C17orf75: variants seen among roughly 807,000 people sequenced by gnomAD.
The protein encoded by C17orf75 is chromosome 17 open reading frame 75.
C17orf75 carries 32 observed loss-of-function variants against 49.6 expected under a neutral mutation model. The ratio of observed to expected loss-of-function variants is 0.65; its 90% CI spans 0.49 to 0.87. The LOEUF (loss-of-function observed/expected upper bound fraction) is 0.87. Ranked by LOEUF, C17orf75 falls within the 40% of genes least tolerant of loss-of-function variation. The pLI is 0.00. For synonymous variants in C17orf75, 158 were observed against 159.5 expected (o/e 0.99, Z 0.07); for missense variants, 428 against 473.9 (o/e 0.90, Z 0.90).
upstream of C17orf75, chr17:32,343,848 T>A: frequency 1.5e-6 from 1 of 676,806 alleles, no homozygotes; most frequent in South Asian, 1.5e-5. Flanking sequence ...ATTTTAGTTT[T>A]AAGCAGAAGA....
In C17orf75 at chr17:32,339,917, A is replaced by C. The variant is rs1332374099; in HGVS notation, c.243T>G (p.Asn81Lys). 1 of 1,613,988 alleles carries C rather than the reference A, an allele frequency of 6.2e-7. No individual in the cohort carries two copies. Among genetic ancestry groups the C allele is most frequent in the Middle Eastern group, 1.6e-4 (1 of 6,062 alleles). The stretch of plus-strand genomic sequence containing the variant: ...GCTCTGGCTCCACTTCGGATGGTAG[A>C]TTAGTATCTGCCAAGGAGAGGCTTG... ...DDFSLSLADT[N>K]LPSEVEPELR... The change falls in exon 3 of 10, where the codon AAT (asparagine) becomes AAG (lysine). Residue 81 changes from asparagine to lysine, a missense_variant. Asn to Lys is a moderately conservative substitution (Grantham distance 94). Coordinates refer to ENST00000577809, the MANE Select transcript of C17orf75 (RefSeq NM_022344.4).
intron 1 of C17orf75, chr17:32,341,738 A>T: frequency 1.1e-6 from 1 of 943,784 alleles, no homozygotes; most frequent in South Asian, 4.4e-5. Context: ...CAGCCGCGAG[A>T]GTAAGAGGCT....
intron 1 of C17orf75, among the ~76,000 whole-genome samples, chr17:32,349,322 C>A (rs188252283): frequency 2.1e-4 from 32 of 152,194 alleles, no homozygotes; most frequent in African/African-American, 7.5e-4. Flanking sequence ...GCGGCTCAAG[C>A]CTGCAATCCA....
At chr17:32,340,888 C>G (rs1003248188) in intron 2 of C17orf75, 1 of 266,922 alleles carries the variant, frequency 3.7e-6, no homozygotes. Context: ...GACGCTGCAG[C>G]GAGCCAAAGT....
upstream of C17orf75, among the ~76,000 whole-genome samples, chr17:32,344,777 C>CA (rs1417451203): frequency 6.6e-6 from 1 of 151,622 alleles, no homozygotes; most frequent in Non-Finnish European, 1.5e-5. Context: ...CATGGTGGCA[C>CA]ACACCTGTAG....
intron 3 of C17orf75, 109 bp downstream of exon 3, chr17:32,339,704 A>G: frequency 2.1e-6 from 3 of 1,442,822 alleles, no homozygotes; most frequent in Non-Finnish European, 2.8e-6. Flanking sequence ...GCCAGAGAAT[A>G]AAGACAAATT....
intron 8 of C17orf75, 125 bp downstream of exon 8, chr17:32,334,344 A>G (rs1413149325): frequency 1.1e-5 from 14 of 1,249,188 alleles, no homozygotes; most frequent in South Asian, 9.3e-5. Flanking sequence ...GTGGTTTCTC[A>G]TGGTTTGAGA....
upstream of C17orf75, among the ~76,000 whole-genome samples, chr17:32,346,626 G>A (rs994146936): frequency 5.3e-5 from 8 of 151,996 alleles, no homozygotes; most frequent in African/African-American, 1.9e-4. Flanking sequence ...AGGCTGGAGT[G>A]CAGTGGCACG....
In C17orf75 at chr17:32,330,125, G is replaced by C. The variant is rs2041262314; in HGVS notation, c.*1638C>G. On this transcript the variant is annotated 3_prime_UTR_variant, in exon 10 of 10. Coordinates refer to ENST00000577809, the MANE Select transcript of C17orf75 (RefSeq NM_022344.4). The stretch of plus-strand genomic sequence containing the variant: ...CTCAAAGTGCTGGGATTACAGGCAT[G>C]AGCCATCGTGCCCAGCCACTCTCAC... 1 of 152,246 alleles carries C rather than the reference G, an allele frequency of 6.6e-6. No individual in the cohort carries two copies. Among genetic ancestry groups the C allele is most frequent in the South Asian group, 2.1e-4 (1 of 4,830 alleles). 9.4% of individuals were successfully genotyped at this position (152,246 alleles called of 1,614,324 possible).
upstream of C17orf75, among the ~76,000 whole-genome samples, chr17:32,344,920 T>A (rs531232867): frequency 2.3e-3 from 354 of 151,148 alleles, no homozygotes; most frequent in African/African-American, 7.6e-3. Context: ...AAAAAATAAA[T>A]AAAAATAAAA....
chr17:32,331,387 C>T lies in C17orf75; in HGVS notation c.*376G>A. ...TTTTTTTTTTTAAGAAGCTACAGTC[C>T]ACTGAAAAGGAAGTATTATGGTTTT... is the stretch of plus-strand genomic sequence containing the variant. On this transcript the variant is annotated 3_prime_UTR_variant, in exon 10 of 10. Transcript: ENST00000577809. The T allele has an allele frequency of 5.0e-6, 1 of 198,842 alleles. No homozygotes were observed. The allele number at this position is 198,842 out of a possible 1,614,324, so 12.3% of individuals were successfully genotyped here. A position where few individuals can be genotyped will look rare whatever the true frequency, so the allele number is the denominator to read the frequency against.
chr17:32,349,275 G>A (rs961417857), intron 1 of C17orf75, among the ~76,000 whole-genome samples: 3 of 151,958 alleles, frequency 2.0e-5, no homozygotes, highest in Non-Finnish European at 4.4e-5. Flanking sequence ...GCTTGCTCCC[G>A]TTGACTCCTC....
upstream of C17orf75, among the ~76,000 whole-genome samples, chr17:32,347,004 T>C (rs575236903): frequency 9.9e-5 from 15 of 151,780 alleles, no homozygotes; most frequent in African/African-American, 3.6e-4. Context: ...AAGGCTGGAG[T>C]ACAGTGGCAC....
At chr17:32,333,896 C>A (rs368924897) in intron 8 of C17orf75, among the ~76,000 whole-genome samples, 47 of 152,316 alleles carry the variant, frequency 3.1e-4, no homozygotes, top group African/African-American at 1.1e-3. Flanking sequence ...ATGCCCCTTC[C>A]CAATCACATC....
At position 32,331,722 on chromosome 17, in the gene C17orf75, A is replaced by G; in HGVS notation, c.*41T>C. The G allele has an allele frequency of 6.7e-7, 1 of 1,499,632 alleles. No homozygotes were observed. The highest frequency in any genetic ancestry group is 9.3e-7 in the Non-Finnish European group (1 of 1,077,710). The allele number at this position is 1,499,632 out of a possible 1,614,324, so 92.9% of individuals were successfully genotyped here. ...ACTGCAATTTCAAACACTAAGACTTAAATATACAACTTGATCATACAATTA... is the reference window on the plus strand; with the variant it reads ...ACTGCAATTTCAAACACTAAGACTTGAATATACAACTTGATCATACAATTA... On this transcript the variant is annotated 3_prime_UTR_variant, in exon 10 of 10. Transcript: ENST00000577809.
In C17orf75 at chr17:32,341,247, G is replaced by C; in HGVS notation, c.178C>G (p.Pro60Ala). The C allele has an allele frequency of 6.2e-7, 1 of 1,613,890 alleles. No homozygotes were observed. The highest frequency in any genetic ancestry group is 8.5e-7 in the Non-Finnish European group (1 of 1,179,882). ...QQRGDSEDGS[P>A]SGTNAETPSG... The stretch of plus-strand genomic sequence containing the variant: ...GGAGTTTCTGCATTTGTGCCACTTG[G>C]GCTTCCGTCCTCACTGTCCCCTCGT... Residue 60 changes from proline (P) to alanine (A), a missense_variant, in exon 2 of 10, where the codon CCA (proline) becomes GCA (alanine). Pro to Ala is a conservative substitution (Grantham distance 27). Coordinates refer to ENST00000577809, the MANE Select transcript of C17orf75 (RefSeq NM_022344.4).
intron 1 of C17orf75, among the ~76,000 whole-genome samples, chr17:32,347,467 A>G (rs1449542267): frequency 1.3e-5 from 2 of 151,768 alleles, no homozygotes; most frequent in Non-Finnish European, 2.9e-5. Context: ...TTTTTAGTAG[A>G]GACAGGGTTT....
At chr17:32,340,058 T>A (rs1187331403) in intron 2 of C17orf75, 120 bp from the exon 3 acceptor site, 3 of 1,180,002 alleles carry the variant, frequency 2.5e-6, no homozygotes, top group African/African-American at 3.1e-5. Context: ...GCTGTCCTTA[T>A]GACCCCTATT....
chr17:32,342,927 C>T (rs2041395017), upstream of C17orf75, among the ~76,000 whole-genome samples: 1 of 152,228 alleles, frequency 6.6e-6, no homozygotes, highest in Non-Finnish European at 1.5e-5. Context: ...TTTTCTGTCT[C>T]AGTCCATTTT....
Sources: allele counts gnomAD v4.1 joint callset (sites outside exome capture counted in the v4.1 genomes callset), GRCh38; gene constraint gnomAD v4.1.1; transcripts MANE v1.5; gene names NCBI Gene and HGNC (gene_info 2026-07-23, HGNC 2026-07-21).